TANC2: variants seen among roughly 807,000 people sequenced by gnomAD.
TANC2 encodes protein TANC2.
Under a neutral mutation model 210.5 loss-of-function variants are expected in TANC2, and 26 were observed. The observed-to-expected ratio is 0.12, with a 90% CI of 0.09 to 0.17. TANC2 has a LOEUF of 0.17. Among genes scored for constraint, TANC2 ranks in the 10% least tolerant of loss-of-function variants. The pLI is 1.00. For missense variants in TANC2, 2,129 were observed against 2,608.9 expected (o/e 0.82, Z 4.01); for synonymous variants, 931 against 967.1 (o/e 0.96, Z 0.69).
At chr17:63,411,868 T>C in intron 22 of TANC2, 130 bp from the exon 23 acceptor site, 1 of 1,444,302 alleles carries the variant, frequency 6.9e-7, no homozygotes. Flanking sequence ...AGCTAAGGCC[T>C]GAAATACATG....
intron 11 of TANC2, among the ~76,000 whole-genome samples, chr17:63,331,674 G>A (rs1171051119): frequency 6.6e-6 from 1 of 152,158 alleles, no homozygotes; most frequent in African/African-American, 2.4e-5. Context: ...AGAAGAGAGG[G>A]AAAAGTCAGT....
intron 1 of TANC2, among the ~76,000 whole-genome samples, chr17:63,000,952 A>G (rs1383448357): frequency 1.4e-5 from 2 of 143,474 alleles, no homozygotes; most frequent in Admixed American, 1.4e-4. Flanking sequence ...AGTAATTAAA[A>G]AAGTTTTAGA....
intron 14 of TANC2, among the ~76,000 whole-genome samples, chr17:63,371,835 C>T (rs1327960940): frequency 1.3e-5 from 2 of 152,182 alleles, no homozygotes; most frequent in African/African-American, 4.8e-5. Flanking sequence ...CTCCATAGCT[C>T]TGAACTCTTG....
intron 9 of TANC2, among the ~76,000 whole-genome samples, chr17:63,289,678 G>T (rs760625825): frequency 6.6e-5 from 10 of 152,262 alleles, no homozygotes; most frequent in Non-Finnish European, 1.2e-4. Flanking sequence ...TTACATCTCT[G>T]CCATGTCTGG....
In TANC2 at chr17:63,045,285, C is replaced by T. The variant is rs1273186744; in HGVS notation, c.68-28658C>T. Among the ~76,000 whole-genome samples, 15 of 152,284 alleles carry T rather than the reference C, an allele frequency of 9.9e-5. No individual in the cohort carries two copies. In the East Asian group the frequency reaches 2.9e-3, roughly 29 times the overall value. ...TCTTTATAGAAAAAGTTTGCAGACC[C>T]ATGTTTTAGATTGATCCTTAGCCTG... On this transcript the variant is annotated intron_variant, in intron 2 of 27. Coordinates refer to ENST00000689528, the Ensembl canonical transcript of TANC2.
At chr17:62,999,066 A>G (rs2033250223) in intron 1 of TANC2, among the ~76,000 whole-genome samples, 1 of 152,216 alleles carries the variant, frequency 6.6e-6, no homozygotes, top group Non-Finnish European at 1.5e-5. Flanking sequence ...GGTAATCCCC[A>G]ATGCTGGAAG....
At chr17:63,132,271 A>C (rs1033894597) in intron 4 of TANC2, among the ~76,000 whole-genome samples, 1 of 152,102 alleles carries the variant, frequency 6.6e-6, no homozygotes, top group Non-Finnish European at 1.5e-5. Flanking sequence ...AAACAAAATA[A>C]TGTGATGAAT....
Position 63,098,513 on chromosome 17 carries a change from G to GTATATATATATATATATA in TANC2, c.140-661_140-660insATATATATATATATATAT, listed in dbSNP as rs779741664. Among the ~76,000 whole-genome samples the GTATATATATATATATATA allele has an allele frequency of 8.0e-5, 10 of 125,404 alleles. No individual in the cohort carries two copies. In the South Asian group the frequency reaches 1.1e-3, roughly 13 times the overall value. 82.3% of individuals were successfully genotyped at this position (125,404 alleles called of 152,430 possible). Reference sequence around the variant, plus strand: ...TCTCTCTCTCTCTCTCTCTCTCTGTGTGTATATATATATATATATATGTAA... The same window carrying GTATATATATATATATATA: ...TCTCTCTCTCTCTCTCTCTCTCTGTGTATATATATATATATATATGTATATATATATATATATATGTAA... On this transcript the variant is annotated intron_variant, in intron 3 of 27. Transcript: ENST00000689528.
At chr17:63,388,175 C>G (rs2047846113) in intron 15 of TANC2, 1 of 152,500 alleles carries the variant, frequency 6.6e-6, no homozygotes, top group Non-Finnish European at 1.5e-5. Context: ...TATTTATGCC[C>G]TAATTTTATT....
At chr17:63,184,582 C>G (rs376588572) in intron 5 of TANC2, among the ~76,000 whole-genome samples, 1 of 151,988 alleles carries the variant, frequency 6.6e-6, no homozygotes, top group Non-Finnish European at 1.5e-5. Context: ...ACCCACTGTT[C>G]TGACTGCCAT....
intron 9 of TANC2, among the ~76,000 whole-genome samples, chr17:63,306,160 CA>C (rs1372481305): frequency 2.6e-5 from 4 of 152,102 alleles, no homozygotes; most frequent in Non-Finnish European, 2.9e-5. Context: ...GTAAATGTAG[CA>C]AAAGTCTGAG....
At chr17:63,245,385 A>G (rs1309591642) in intron 8 of TANC2, among the ~76,000 whole-genome samples, 1 of 152,196 alleles carries the variant, frequency 6.6e-6, no homozygotes, top group Non-Finnish European at 1.5e-5. Context: ...TATATACTCT[A>G]TATATGTAAA....
At chr17:63,045,655 T>C (rs989989936) in intron 2 of TANC2, among the ~76,000 whole-genome samples, 2 of 152,134 alleles carry the variant, frequency 1.3e-5, no homozygotes, top group African/African-American at 2.4e-5. Flanking sequence ...AAGCCAATTT[T>C]CCCCACCATA....
chr17:63,360,680 A>G (rs1448120788), intron 14 of TANC2, among the ~76,000 whole-genome samples: 4 of 152,192 alleles, frequency 2.6e-5, no homozygotes, highest in Non-Finnish European at 5.9e-5. Flanking sequence ...GTTTGATTAA[A>G]TTATTTTTTA....
intron 5 of TANC2, among the ~76,000 whole-genome samples, chr17:63,155,679 T>C (rs2039810347): frequency 6.6e-6 from 1 of 152,206 alleles, no homozygotes; most frequent in Admixed American, 6.5e-5. Context: ...TCTTTTTATA[T>C]GGATTCTTTT....
chr17:63,388,466 G>T (rs1191557288), intron 15 of TANC2, among the ~76,000 whole-genome samples, 169 bp from the exon 16 acceptor site: 1 of 152,212 alleles, frequency 6.6e-6, no homozygotes, highest in Non-Finnish European at 1.5e-5. Context: ...GCTTGTTCCT[G>T]CAGGACTGGT....
chr17:63,011,114 C>A (rs2033850670), intron 2 of TANC2, among the ~76,000 whole-genome samples: 2 of 152,132 alleles, frequency 1.3e-5, no homozygotes, highest in South Asian at 4.1e-4. Flanking sequence ...AGGTACCTAT[C>A]ATTCGTCTCG....
chr17:63,014,627 T>G (rs889782611), intron 2 of TANC2, among the ~76,000 whole-genome samples: 14 of 152,178 alleles, frequency 9.2e-5, no homozygotes, highest in African/African-American at 2.9e-4. Context: ...TGTTTAGTGG[T>G]CAATTCATAC....
rs370281381 is a variant in TANC2, at chr17:63,266,601, A to G, written c.1034-1147A>G. On this transcript the variant is annotated intron_variant, in intron 8 of 27. Transcript: ENST00000689528. ...ATAATCAGCTATTTGGTAAGGTAGT[A>G]TATATCATTGGTGGCAAAATTGGAT... is the stretch of plus-strand genomic sequence containing the variant. Among the ~76,000 whole-genome samples, 301 of 152,270 alleles carry G rather than the reference A, an allele frequency of 2.0e-3. 11 individuals are homozygous for G. The South Asian group carries it at 0.059, about 30-fold the overall frequency.
Sources: allele counts gnomAD v4.1 joint callset (sites outside exome capture counted in the v4.1 genomes callset), GRCh38; gene constraint gnomAD v4.1.1; transcripts MANE v1.5; gene names NCBI Gene and HGNC (gene_info 2026-07-23, HGNC 2026-07-21).